Variants in CTNNA3 observed in about 807,000 individuals in gnomAD.
The protein encoded by CTNNA3 is catenin alpha-3.
In CTNNA3, 76 loss-of-function variants were observed where a neutral mutation model predicts 95.7. That is an observed-to-expected ratio of 0.79 (90% CI 0.66 to 0.96). The LOEUF is 0.96. Ranked by LOEUF, CTNNA3 falls within the 40% of genes least tolerant of loss-of-function variation. CTNNA3 has a pLI of 0.00. For synonymous variants in CTNNA3, 431 were observed against 374.4 expected (o/e 1.15, Z -1.74); for missense variants, 1,191 against 1,089.8 (o/e 1.09, Z -1.31).
intron 13 of CTNNA3, among the ~76,000 whole-genome samples, chr10:66,167,677 C>T (rs2085204135): frequency 6.6e-6 from 1 of 152,150 alleles, no homozygotes; most frequent in Non-Finnish European, 1.5e-5. Flanking sequence ...GAGAAGCAGA[C>T]ATCTCATGGG....
At chr10:67,429,245 G>T (rs1846026914) in intron 5 of CTNNA3, among the ~76,000 whole-genome samples, 1 of 151,896 alleles carries the variant, frequency 6.6e-6, no homozygotes. Context: ...TTTCTCAAAT[G>T]CTTTCATTAA....
chr10:66,161,339 G>A (rs2084833283), intron 13 of CTNNA3, among the ~76,000 whole-genome samples: 4 of 152,124 alleles, frequency 2.6e-5, no homozygotes, highest in Admixed American at 2.6e-4. Context: ...TATGTTTCCA[G>A]CATTTGTTTC....
rs552260951 is a variant in CTNNA3 at position 66,965,632 on chromosome 10, G to A, written c.1048-190108C>T. On this transcript the variant is annotated intron_variant, in intron 7 of 17. Coordinates refer to ENST00000433211, the MANE Select transcript of CTNNA3 (RefSeq NM_013266.4). Reference sequence around the variant, plus strand: ...AGGAGGGCAAGACAGTTCCCAAAATGTCTAACGAACTTCCACGTAGAGAAA... The same window carrying A: ...AGGAGGGCAAGACAGTTCCCAAAATATCTAACGAACTTCCACGTAGAGAAA... Among the ~76,000 whole-genome samples the A allele has an allele frequency of 2.0e-5, 3 of 149,538 alleles. No homozygotes were observed. In the South Asian group the frequency reaches 6.3e-4, roughly 32 times the overall value.
At position 67,342,099 on chromosome 10, in the gene CTNNA3, C is replaced by T. The variant is rs372441001; in HGVS notation, c.580-122229G>A. Among the ~76,000 whole-genome samples, 16 of 83,668 alleles carry T rather than the reference C, an allele frequency of 1.9e-4. No individual in the cohort carries two copies. The South Asian group carries it at 2.4e-3, about 13-fold the overall frequency. The allele number at this position is 83,668 out of a possible 152,430, so 54.9% of individuals were successfully genotyped here. The stretch of plus-strand genomic sequence containing the variant: ...TTCTTTTAATTTATTTATTTTTCTT[C>T]TTTTTTTTTTTTTTTTTTTTTAGAC... On this transcript the variant is annotated intron_variant, in intron 5 of 17. Transcript: ENST00000433211.
At chr10:66,248,999 A>C (rs1009470405) in intron 13 of CTNNA3, among the ~76,000 whole-genome samples, 1 of 152,132 alleles carries the variant, frequency 6.6e-6, no homozygotes, top group African/African-American at 2.4e-5. Context: ...CAAATCCATA[A>C]AACTATAGTG....
At chr10:66,958,433 G>T (rs1004322542) in intron 7 of CTNNA3, among the ~76,000 whole-genome samples, 3 of 146,156 alleles carry the variant, frequency 2.1e-5, no homozygotes, top group African/African-American at 5.1e-5. Context: ...GTGTACTATA[G>T]TTCTGCCTTT....
chr10:66,905,327 A>G (rs756290386), intron 7 of CTNNA3, among the ~76,000 whole-genome samples: 5 of 152,140 alleles, frequency 3.3e-5, no homozygotes, highest in African/African-American at 4.8e-5. Context: ...CAATAAGAAC[A>G]CATGGACACA....
chr10:67,103,145 A>C lies in CTNNA3; in HGVS notation c.1047+77172T>G, dbSNP rs77969656. Among the ~76,000 whole-genome samples the C allele has an allele frequency of 9.0e-3, 1,371 of 151,912 alleles. 55 individuals are homozygous for C. The East Asian group carries it at 0.12, about 13-fold the overall frequency. On this transcript the variant is annotated intron_variant, in intron 7 of 17. Coordinates refer to ENST00000433211, the MANE Select transcript of CTNNA3 (RefSeq NM_013266.4). ...GACTGAGGTGATACTAATGCATGCTAAGTTTTGAAAAATAGTGCTCAAATG... is the reference window on the plus strand; with the variant it reads ...GACTGAGGTGATACTAATGCATGCTCAGTTTTGAAAAATAGTGCTCAAATG...
intron 13 of CTNNA3, among the ~76,000 whole-genome samples, chr10:66,143,296 A>G (rs576123369): frequency 1.3e-5 from 2 of 152,168 alleles, no homozygotes; most frequent in Non-Finnish European, 2.9e-5. Flanking sequence ...GCTGAAATAG[A>G]AAGGAGTATA....
At chr10:66,118,012 T>A (rs890816214) in intron 13 of CTNNA3, among the ~76,000 whole-genome samples, 4 of 152,088 alleles carry the variant, frequency 2.6e-5, no homozygotes, top group African/African-American at 9.7e-5. Flanking sequence ...CCGTCAGATG[T>A]TTGATTATGT....
intron 11 of CTNNA3, among the ~76,000 whole-genome samples, chr10:66,446,413 C>G (rs185032036): frequency 6.6e-6 from 1 of 151,908 alleles, no homozygotes; most frequent in East Asian, 1.9e-4. Flanking sequence ...AACATTGATG[C>G]AAAAATCCTC....
At chr10:66,860,265 A>G (rs963942644) in intron 7 of CTNNA3, among the ~76,000 whole-genome samples, 1 of 152,190 alleles carries the variant, frequency 6.6e-6, no homozygotes, top group African/African-American at 2.4e-5. Flanking sequence ...ATAATCTGGC[A>G]GAATTTCTTG....
intron 15 of CTNNA3, among the ~76,000 whole-genome samples, chr10:66,037,678 A>C: frequency 6.6e-6 from 1 of 152,092 alleles, no homozygotes; most frequent in East Asian, 1.9e-4. Flanking sequence ...AGTACGGTCA[A>C]GAAAAGTTAA....
At chr10:66,723,804 G>A (rs1848701236) in intron 9 of CTNNA3, among the ~76,000 whole-genome samples, 1 of 152,184 alleles carries the variant, frequency 6.6e-6, no homozygotes, top group Admixed American at 6.5e-5. Context: ...AAGGAATGAG[G>A]CAGGCAACAA....
At chr10:67,263,032 A>G (rs1408838562) in intron 5 of CTNNA3, among the ~76,000 whole-genome samples, 1 of 152,170 alleles carries the variant, frequency 6.6e-6, no homozygotes, top group East Asian at 1.9e-4. Flanking sequence ...AGGGGATAAA[A>G]CTTGATGCCA....
In CTNNA3 at chr10:66,638,651, C is replaced by T. The variant is rs1046745000; in HGVS notation, c.1282-16867G>A. Among the ~76,000 whole-genome samples, 4 of 152,186 alleles carry T rather than the reference C, an allele frequency of 2.6e-5. 1 individual carries two copies. Among genetic ancestry groups the T allele is most frequent in the Middle Eastern group, 6.8e-3 (2 of 294 alleles). ...TTCAAGGCCCACACCATCATCTTCCCTTCTCTGAAACTGAATTCAGTCTCT... is the reference window on the plus strand; with the variant it reads ...TTCAAGGCCCACACCATCATCTTCCTTTCTCTGAAACTGAATTCAGTCTCT... On this transcript the variant is annotated intron_variant, in intron 9 of 17. Coordinates refer to ENST00000433211, the MANE Select transcript of CTNNA3 (RefSeq NM_013266.4).
chr10:67,397,101 A>G (rs1589251611), intron 5 of CTNNA3, among the ~76,000 whole-genome samples: 2 of 152,274 alleles, frequency 1.3e-5, no homozygotes, highest in East Asian at 3.9e-4. Context: ...AAGACACCCA[A>G]AAATATGGAA....
At chr10:66,674,732 T>C (rs144598384) in intron 9 of CTNNA3, among the ~76,000 whole-genome samples, 12 of 152,206 alleles carry the variant, frequency 7.9e-5, no homozygotes, top group African/African-American at 2.6e-4. Flanking sequence ...TGTTCATATG[T>C]ATGCGTTCAG....
intron 2 of CTNNA3, among the ~76,000 whole-genome samples, chr10:67,623,899 C>T (rs1843934932): frequency 6.6e-6 from 1 of 152,086 alleles, no homozygotes; most frequent in South Asian, 2.1e-4. Context: ...TCACTGCAAC[C>T]TCCGTCTCCC....
Sources: allele counts gnomAD v4.1 joint callset (sites outside exome capture counted in the v4.1 genomes callset), GRCh38; gene constraint gnomAD v4.1.1; transcripts MANE v1.5; gene names NCBI Gene and HGNC (gene_info 2026-07-23, HGNC 2026-07-21).